Variants in SAMD12 observed in about 807,000 individuals in gnomAD.
The protein encoded by SAMD12 is sterile alpha motif domain containing 12.
SAMD12 carries 9 observed loss-of-function variants against 15.0 expected under a neutral mutation model. The ratio of observed to expected loss-of-function variants is 0.60; its 90% CI spans 0.36 to 1.05. SAMD12 has a LOEUF of 1.05. Among genes scored for constraint, SAMD12 ranks in the 50% least tolerant of loss-of-function variants. SAMD12 has a pLI of 0.01. For missense variants in SAMD12, 230 were observed against 234.2 expected, an observed-to-expected ratio of 0.98 and a Z score of 0.12; for synonymous variants, 86 against 90.1, an observed-to-expected ratio of 0.96 and a Z score of 0.25.
At chr8:118,432,407 A>C (rs1033269642) in intron 3 of SAMD12, among the ~76,000 whole-genome samples, 6 of 152,202 alleles carry the variant, frequency 3.9e-5, no homozygotes, top group African/African-American at 1.2e-4. Context: ...GAACAAAGGA[A>C]GGGACTGGAA....
chr8:118,278,768 T>G (rs1813533006), intron 4 of SAMD12, among the ~76,000 whole-genome samples: 1 of 152,208 alleles, frequency 6.6e-6, no homozygotes, highest in South Asian at 2.1e-4. Context: ...GTTGGGCAAG[T>G]TTTCTATTTT....
intron 2 of SAMD12, among the ~76,000 whole-genome samples, chr8:118,478,271 G>T (rs1483596043): frequency 1.3e-5 from 2 of 152,168 alleles, no homozygotes; most frequent in Non-Finnish European, 2.9e-5. Flanking sequence ...CCATCAGAGT[G>T]TTCCCATTAA....
At chr8:118,528,460 T>C (rs998726500) in intron 2 of SAMD12, among the ~76,000 whole-genome samples, 16 of 152,276 alleles carry the variant, frequency 1.1e-4, no homozygotes, top group African/African-American at 3.9e-4. Flanking sequence ...CTGGTCCACA[T>C]GTTTTTTAAA....
At chr8:118,304,933 G>A (rs1307107879) in intron 4 of SAMD12, among the ~76,000 whole-genome samples, 1 of 151,180 alleles carries the variant, frequency 6.6e-6, no homozygotes, top group Non-Finnish European at 1.5e-5. Flanking sequence ...TGCATCACTT[G>A]AAATCAGGAG....
chr8:118,157,537 ACTTCT>A, the SAMD12 span, among the ~76,000 whole-genome samples: 1 of 152,190 alleles, frequency 6.6e-6, no homozygotes, highest in Admixed American at 6.5e-5. Context: ...ATTATTTTAA[ACTTCT>A]CTAAATGTTT....
intron 4 of SAMD12, among the ~76,000 whole-genome samples, chr8:118,322,990 G>A (rs558971831): frequency 6.6e-6 from 1 of 152,178 alleles, no homozygotes; most frequent in Non-Finnish European, 1.5e-5. Flanking sequence ...TGGGATTCAG[G>A]TCTTGCCAAC....
At chr8:118,288,515 G>T (rs115381960) in intron 4 of SAMD12, among the ~76,000 whole-genome samples, 1 of 152,162 alleles carries the variant, frequency 6.6e-6, no homozygotes, top group African/African-American at 2.4e-5. Context: ...AGCAATTTCA[G>T]ATGTTTTGAA....
chr8:118,357,058 G>A (rs1818264164), intron 4 of SAMD12, among the ~76,000 whole-genome samples: 1 of 152,132 alleles, frequency 6.6e-6, no homozygotes, highest in Non-Finnish European at 1.5e-5. Flanking sequence ...TCTCCACACA[G>A]CTGTCAGTAC....
intron 2 of SAMD12, among the ~76,000 whole-genome samples, chr8:118,523,770 T>C (rs1825455425): frequency 6.6e-6 from 1 of 152,108 alleles, no homozygotes. Context: ...GTCCCTTCTG[T>C]AGCATCTACT....
chr8:118,147,862 G>A, the SAMD12 span, among the ~76,000 whole-genome samples: 2 of 151,772 alleles, frequency 1.3e-5, no homozygotes, highest in Admixed American at 6.6e-5. Flanking sequence ...AGATCCTTCC[G>A]ACTTAGCCTC....
intron 2 of SAMD12, among the ~76,000 whole-genome samples, chr8:118,497,727 G>C (rs1173064582): frequency 8.5e-5 from 10 of 117,662 alleles, no homozygotes; most frequent in East Asian, 2.6e-4. Context: ...AAGTTGCGGG[G>C]GGGGGTGGGG....
intron 4 of SAMD12, among the ~76,000 whole-genome samples, chr8:118,220,036 C>T (rs554290882): frequency 2.0e-4 from 31 of 152,318 alleles, no homozygotes; most frequent in African/African-American, 7.0e-4. Context: ...CATTCAAGTA[C>T]GTATTACTCT....
At chr8:118,540,687 T>C (rs575465077) in intron 2 of SAMD12, among the ~76,000 whole-genome samples, 1 of 135,726 alleles carries the variant, frequency 7.4e-6, no homozygotes, top group South Asian at 2.4e-4. Context: ...GCCTGCACCA[T>C]TGCAACTGGC....
intron 4 of SAMD12, among the ~76,000 whole-genome samples, chr8:118,287,391 C>T (rs1244533407): frequency 2.0e-5 from 3 of 152,184 alleles, no homozygotes; most frequent in South Asian, 2.1e-4. Flanking sequence ...TCCCAAAGGG[C>T]TGGAATTACA....
chr8:118,180,056 G>A, the SAMD12 span, among the ~76,000 whole-genome samples: 3 of 152,324 alleles, frequency 2.0e-5, no homozygotes, highest in East Asian at 3.9e-4. Context: ...GTGCTCCCTC[G>A]GCCGGACTCA....
chr8:118,445,169 A>G (rs1236155497), intron 2 of SAMD12, among the ~76,000 whole-genome samples: 1 of 152,192 alleles, frequency 6.6e-6, no homozygotes, highest in Admixed American at 6.5e-5. Context: ...AAAGGAGGAA[A>G]CACACACATA....
chr8:118,300,541 C>A (rs1017129063), intron 4 of SAMD12, among the ~76,000 whole-genome samples: 8 of 152,156 alleles, frequency 5.3e-5, no homozygotes, highest in Admixed American at 2.6e-4. Context: ...TCTGAGTGCT[C>A]AGGATGAGAA....
At chr8:118,514,692 T>G (rs936179208) in intron 2 of SAMD12, among the ~76,000 whole-genome samples, 9 of 152,208 alleles carry the variant, frequency 5.9e-5, no homozygotes, top group Admixed American at 1.3e-4. Context: ...TACCTTGAAC[T>G]AAATTGTAGC....
the SAMD12 span, among the ~76,000 whole-genome samples, chr8:118,166,694 A>C: frequency 6.6e-6 from 1 of 152,238 alleles, no homozygotes; most frequent in African/African-American, 2.4e-5. Context: ...TAATGCATAT[A>C]AAATTAATTG....
Sources: gnomAD v4.1 joint callset for allele counts (sites outside exome capture counted in the v4.1 genomes callset) on GRCh38, gnomAD v4.1.1 for gene constraint, MANE v1.5 for transcripts, NCBI Gene and HGNC (gene_info 2026-07-23, HGNC 2026-07-21) for gene names.